The following VTI1A variants were observed in gnomAD, a reference collection of about 807,000 sequenced individuals.
The protein encoded by VTI1A is vesicle transport through interaction with t-SNAREs homolog 1A.
Under a neutral mutation model 34.9 loss-of-function variants are expected in VTI1A, and 22 were observed. That is an observed-to-expected ratio of 0.63 (90% CI 0.45 to 0.90). The LOEUF is 0.90. Ranked by LOEUF, VTI1A falls within the 40% of genes least tolerant of loss-of-function variation. The pLI is 0.00. For synonymous variants in VTI1A, 87 were observed against 97.3 expected (o/e 0.89, Z 0.62); for missense variants, 268 against 275.6 (o/e 0.97, Z 0.20).
intron 7 of VTI1A, among the ~76,000 whole-genome samples, chr10:112,694,121 G>A (rs1021113304): frequency 4.6e-5 from 7 of 151,934 alleles, no homozygotes; most frequent in African/African-American, 7.3e-5. Flanking sequence ...CAGAAGAATC[G>A]CTTGAACCCA....
intron 7 of VTI1A, among the ~76,000 whole-genome samples, chr10:112,801,777 T>C (rs1188523212): frequency 1.3e-5 from 2 of 152,224 alleles, no homozygotes; most frequent in Admixed American, 6.5e-5. Flanking sequence ...AAGAGATAAA[T>C]TGAGCCCCTT....
intron 3 of VTI1A, among the ~76,000 whole-genome samples, chr10:112,496,507 GT>G (rs1849033143): frequency 6.6e-6 from 1 of 151,950 alleles, no homozygotes; most frequent in South Asian, 2.1e-4. Flanking sequence ...GGAGGCAGAG[GT>G]TGCAGTGAAC....
intron 7 of VTI1A, among the ~76,000 whole-genome samples, chr10:112,686,644 G>A (rs1255536495): frequency 6.6e-6 from 1 of 152,168 alleles, no homozygotes; most frequent in Non-Finnish European, 1.5e-5. Context: ...GGTATAGTGA[G>A]GCAGGATTTC....
intron 7 of VTI1A, among the ~76,000 whole-genome samples, chr10:112,743,306 G>T (rs1423208604): frequency 2.0e-5 from 3 of 152,028 alleles, no homozygotes; most frequent in African/African-American, 7.3e-5. Flanking sequence ...GATGAAACTC[G>T]TCAGGCTTAC....
intron 7 of VTI1A, among the ~76,000 whole-genome samples, chr10:112,755,112 GGGCATGGT>G (rs1564912941): frequency 1.3e-5 from 2 of 152,104 alleles, no homozygotes; most frequent in Non-Finnish European, 2.9e-5. Context: ...AAAATTAGCC[GGGCATGGT>G]GGCACACGCC....
chr10:112,835,782 TG>T, the VTI1A span, among the ~76,000 whole-genome samples: 1 of 152,188 alleles, frequency 6.6e-6, no homozygotes, highest in Non-Finnish European at 1.5e-5. Flanking sequence ...GTTTTGATAT[TG>T]GGCTTTAGTT....
At chr10:112,521,000 T>C (rs973191469) in intron 3 of VTI1A, among the ~76,000 whole-genome samples, 1 of 152,038 alleles carries the variant, frequency 6.6e-6, no homozygotes, top group African/African-American at 2.4e-5. Context: ...TTAGTATTTT[T>C]TCTCTGGTGG....
intron 5 of VTI1A, among the ~76,000 whole-genome samples, chr10:112,549,684 G>A (rs1354750270): frequency 2.0e-5 from 3 of 152,146 alleles, no homozygotes; most frequent in Non-Finnish European, 2.9e-5. Context: ...ATTTTGGACA[G>A]TGGAAGGATA....
intron 5 of VTI1A, among the ~76,000 whole-genome samples, chr10:112,620,372 G>T (rs12260219): frequency 0.087 from 13,310 of 152,232 alleles, 658 homozygotes; most frequent in Non-Finnish European, 0.11. Context: ...TCTGGGAAAG[G>T]CTTGCTTATG....
chr10:112,528,803 G>C (rs755595603), intron 4 of VTI1A, among the ~76,000 whole-genome samples: 2 of 152,140 alleles, frequency 1.3e-5, no homozygotes, highest in Admixed American at 1.3e-4. Context: ...AGAAAGGAAG[G>C]GGGTGTGCCT....
At chr10:112,465,970 T>C (rs912632106) in intron 3 of VTI1A, among the ~76,000 whole-genome samples, 2 of 152,226 alleles carry the variant, frequency 1.3e-5, no homozygotes, top group African/African-American at 4.8e-5. Flanking sequence ...AACAACTAAC[T>C]GTTCTTATAG....
chr10:112,685,466 TCCTATTG>T (rs1228393867), intron 7 of VTI1A, among the ~76,000 whole-genome samples: 4 of 152,238 alleles, frequency 2.6e-5, no homozygotes, highest in Non-Finnish European at 1.5e-5. Flanking sequence ...CTTTTCTTTA[TCCTATTG>T]CCTCATCTCT....
At chr10:112,741,491 T>C (rs976475520) in intron 7 of VTI1A, among the ~76,000 whole-genome samples, 1 of 152,148 alleles carries the variant, frequency 6.6e-6, no homozygotes. Flanking sequence ...TCTTTTGCAG[T>C]GATGAAAGTC....
rs191827443 is a variant in VTI1A, at chr10:112,498,255, G to A, written c.265-28832G>A. ...TAATCTGCATTTTCCTCATCCATAAGGGGATAAGGTTAAGTTATTCTTAAA... is the reference window on the plus strand; with the variant it reads ...TAATCTGCATTTTCCTCATCCATAAAGGGATAAGGTTAAGTTATTCTTAAA... On this transcript the variant is annotated intron_variant, in intron 3 of 7. Coordinates refer to ENST00000393077, the MANE Select transcript of VTI1A (RefSeq NM_145206.4). Among the ~76,000 whole-genome samples the A allele has an allele frequency of 6.6e-5, 10 of 152,212 alleles. No individual in the cohort carries two copies. In the East Asian group the frequency reaches 1.7e-3, roughly 26 times the overall value.
At chr10:112,683,442 A>G (rs980707011) in intron 7 of VTI1A, among the ~76,000 whole-genome samples, 1 of 152,236 alleles carries the variant, frequency 6.6e-6, no homozygotes, top group Non-Finnish European at 1.5e-5. Context: ...ATATTACCAT[A>G]TCAAAGATAT....
chr10:112,779,323 G>GTGAGCT (rs1852044992), intron 7 of VTI1A, among the ~76,000 whole-genome samples: 2 of 152,218 alleles, frequency 1.3e-5, no homozygotes, highest in South Asian at 4.1e-4. Flanking sequence ...GAAGTGGTGT[G>GTGAGCT]TGAGCTTGTA....
chr10:112,451,575 C>T (rs938220911), intron 1 of VTI1A, among the ~76,000 whole-genome samples: 6 of 152,216 alleles, frequency 3.9e-5, no homozygotes, highest in Admixed American at 1.3e-4. Flanking sequence ...AACTCAGGAT[C>T]CCAAGGGGGG....
intron 7 of VTI1A, chr10:112,677,540 G>A (rs1014376023): frequency 6.6e-6 from 1 of 152,218 alleles, no homozygotes; most frequent in African/African-American, 2.4e-5. Flanking sequence ...AAATTAAGAA[G>A]GGAAGAAACA....
chr10:112,629,587 A>G (rs945537151), intron 5 of VTI1A, among the ~76,000 whole-genome samples: 1 of 152,222 alleles, frequency 6.6e-6, no homozygotes. Context: ...CGAGTGTGAA[A>G]CATGCTGTGA....
Sources: gnomAD v4.1 joint callset for allele counts (sites outside exome capture counted in the v4.1 genomes callset) on GRCh38, gnomAD v4.1.1 for gene constraint, MANE v1.5 for transcripts, NCBI Gene and HGNC (gene_info 2026-07-23, HGNC 2026-07-21) for gene names.